Variants in MECOM observed in about 807,000 individuals in gnomAD.
The protein encoded by MECOM is histone-lysine N-methyltransferase MECOM.
Under a neutral mutation model 116.3 loss-of-function variants are expected in MECOM, and 13 were observed. The observed-to-expected ratio is 0.11, with a 90% CI of 0.07 to 0.18. The LOEUF (loss-of-function observed/expected upper bound fraction) is 0.18, where lower values mean the gene tolerates loss of function less well. Among genes scored for constraint, MECOM ranks in the 10% least tolerant of loss-of-function variants. The probability of loss-of-function intolerance (pLI) is 1.00; values close to 1 mark genes in which losing one functional copy is unlikely to be tolerated. For synonymous variants in MECOM, 528 were observed against 535.2 expected (o/e 0.99, Z 0.19); for missense variants, 1,299 against 1,509.0 (o/e 0.86, Z 2.31).
intron 1 of MECOM, among the ~76,000 whole-genome samples, chr3:169,392,232 T>A (rs568826077): frequency 4.6e-5 from 7 of 152,098 alleles, no homozygotes; most frequent in Non-Finnish European, 7.4e-5. Context: ...GTTTCCTCCG[T>A]GGAATAAATA....
chr3:169,116,546 G>C lies in MECOM; in HGVS notation c.1326C>G (p.Gly442=). 6.2e-7 allele frequency: 1 copy of C among 1,614,120 alleles called. No individual in the cohort carries two copies. Among genetic ancestry groups the C allele is most frequent in the South Asian group, 1.1e-5 (1 of 91,068 alleles). ...TAGCTGGGGTTCCAGGAAGTGAAAT[G>C]CCTTGGCCAAAAAATCCACCTGCCG... ...HFAAGGFFGQ[G]ISLPGTPAMD... The change falls in exon 8 of 17, where the codon GGC becomes GGG. Residue 442 remains glycine (G), a synonymous_variant. Coordinates refer to ENST00000651503, the MANE Select transcript of MECOM (RefSeq NM_004991.4).
intron 1 of MECOM, among the ~76,000 whole-genome samples, chr3:169,437,185 T>C (rs1314382975): frequency 6.6e-6 from 1 of 152,206 alleles, no homozygotes; most frequent in Non-Finnish European, 1.5e-5. Context: ...TAAACTAATA[T>C]TCTCCACTGT....
intron 1 of MECOM, among the ~76,000 whole-genome samples, chr3:169,418,698 C>G (rs748333527): frequency 6.6e-5 from 10 of 152,166 alleles, no homozygotes; most frequent in Admixed American, 2.0e-4. Flanking sequence ...ATTCAACACC[C>G]CTTCACGATA....
At chr3:169,188,784 G>C (rs1407719152) in intron 2 of MECOM, among the ~76,000 whole-genome samples, 1 of 152,010 alleles carries the variant, frequency 6.6e-6, no homozygotes, top group Non-Finnish European at 1.5e-5. Flanking sequence ...GGGTTTTTAG[G>C]TCATCAATGA....
intron 2 of MECOM, among the ~76,000 whole-genome samples, chr3:169,265,006 A>G (rs1280817526): frequency 6.6e-6 from 1 of 152,052 alleles, no homozygotes; most frequent in Admixed American, 6.6e-5. Context: ...TCTACCAACT[A>G]AGATCTTCTT....
chr3:169,121,605 G>A (rs567879931), intron 6 of MECOM, among the ~76,000 whole-genome samples: 16 of 152,206 alleles, frequency 1.1e-4, no homozygotes, highest in African/African-American at 3.6e-4. Context: ...GGAGGATTTT[G>A]ACTAACTACA....
At chr3:169,628,025 A>G (rs944356814) in intron 1 of MECOM, among the ~76,000 whole-genome samples, 1 of 152,228 alleles carries the variant, frequency 6.6e-6, no homozygotes, top group Admixed American at 6.5e-5. Context: ...GCAAGAGCTC[A>G]GGAAGCTGCT....
At chr3:169,287,450 C>T (rs1303632632) in intron 2 of MECOM, among the ~76,000 whole-genome samples, 1 of 151,986 alleles carries the variant, frequency 6.6e-6, no homozygotes, top group Non-Finnish European at 1.5e-5. Context: ...TATTTGAATT[C>T]AAAGTGACTT....
intron 1 of MECOM, among the ~76,000 whole-genome samples, chr3:169,627,000 G>A (rs1771463605): frequency 6.6e-6 from 1 of 152,050 alleles, no homozygotes; most frequent in African/African-American, 2.4e-5. Flanking sequence ...AATGTTCAAT[G>A]TGTCACTAAA....
chr3:169,183,801 CACACACACACACACACACATAT>C (rs1180060383), intron 2 of MECOM, among the ~76,000 whole-genome samples: 7 of 66,670 alleles, frequency 1.0e-4, no homozygotes, highest in African/African-American at 5.0e-4. Flanking sequence ...CACACACACA[CACACACACACACACACACATAT>C]ATATATATAT....
At chr3:169,213,906 G>A (rs1423706593) in intron 2 of MECOM, among the ~76,000 whole-genome samples, 1 of 152,068 alleles carries the variant, frequency 6.6e-6, no homozygotes, top group Non-Finnish European at 1.5e-5. Context: ...TATATTATCT[G>A]AAATAATTTC....
intron 1 of MECOM, among the ~76,000 whole-genome samples, chr3:169,405,575 C>A (rs1392343592): frequency 1.3e-5 from 2 of 152,142 alleles, no homozygotes; most frequent in Non-Finnish European, 2.9e-5. Context: ...TCAATACAGA[C>A]AGAGTTAATA....
chr3:169,301,343 A>G (rs951720670), intron 2 of MECOM, among the ~76,000 whole-genome samples: 12 of 152,344 alleles, frequency 7.9e-5, no homozygotes, highest in African/African-American at 2.9e-4. Context: ...GATTCATATC[A>G]TGTGAAGCAA....
intron 14 of MECOM, among the ~76,000 whole-genome samples, chr3:169,092,670 C>T (rs1216339356): frequency 6.6e-6 from 1 of 152,046 alleles, no homozygotes; most frequent in African/African-American, 2.4e-5. Flanking sequence ...GGTTGAATCC[C>T]ATTGATTACT....
intron 1 of MECOM, among the ~76,000 whole-genome samples, chr3:169,659,200 A>T (rs2110122841): frequency 6.6e-6 from 1 of 151,882 alleles, no homozygotes; most frequent in South Asian, 2.1e-4. Context: ...GGCCCAGGGG[A>T]GGCCTTGGCT....
intron 1 of MECOM, among the ~76,000 whole-genome samples, chr3:169,454,896 A>T (rs1197443681): frequency 6.6e-5 from 10 of 152,174 alleles, no homozygotes; most frequent in African/African-American, 2.4e-4. Context: ...ACTACCAAAG[A>T]TTGGCTGCTT....
At chr3:169,537,690 A>G (rs141260300) in intron 1 of MECOM, among the ~76,000 whole-genome samples, 1 of 151,140 alleles carries the variant, frequency 6.6e-6, no homozygotes, top group East Asian at 2.0e-4. Context: ...TCTTAGATAT[A>G]CTGATATAGT....
chr3:169,389,562 A>G, intron 1 of MECOM: 1 of 985,358 alleles, frequency 1.0e-6, no homozygotes, highest in Non-Finnish European at 1.2e-6. Context: ...CCTCTGATGG[A>G]CCTGATGGGC....
At chr3:169,150,798 T>C (rs1453760443) in intron 2 of MECOM, among the ~76,000 whole-genome samples, 3 of 152,198 alleles carry the variant, frequency 2.0e-5, no homozygotes, top group Non-Finnish European at 4.4e-5. Context: ...TGTGGGCTGA[T>C]AGATTTTCTA....
Sources: gnomAD v4.1 joint callset for allele counts (sites outside exome capture counted in the v4.1 genomes callset) on GRCh38, gnomAD v4.1.1 for gene constraint, MANE v1.5 for transcripts, NCBI Gene and HGNC (gene_info 2026-07-23, HGNC 2026-07-21) for gene names.